LEPR: variants seen among roughly 807,000 people sequenced by gnomAD.
LEPR encodes the protein leptin receptor.
In LEPR, 56 loss-of-function variants were observed where a neutral mutation model predicts 114.7. The observed-to-expected ratio is 0.49, with a 90% CI of 0.39 to 0.61. The LOEUF is 0.61. Among genes scored for constraint, LEPR ranks in the 20% least tolerant of loss-of-function variants. The pLI is 0.00. For synonymous variants in LEPR, 443 were observed against 461.4 expected, an observed-to-expected ratio of 0.96 and a Z score of 0.51; for missense variants, 1,202 against 1,352.9, an observed-to-expected ratio of 0.89 and a Z score of 1.75.
At position 65,618,078 on chromosome 1, in the gene LEPR, A is replaced by C; in HGVS notation, c.2327A>C (p.Asn776Thr). The C allele has an allele frequency of 6.2e-7, 1 of 1,611,894 alleles. No individual in the cohort carries two copies. The highest frequency in any genetic ancestry group is 1.1e-5 in the South Asian group (1 of 90,722). ...KLMYFIIEWK[N>T]LNEDGEIKWL... Reference sequence around the variant, plus strand: ...ATGTATTTTATTATTGAGTGGAAAAATCTTAATGAAGATGGTGAAATAAAA... The same window carrying C: ...ATGTATTTTATTATTGAGTGGAAAACTCTTAATGAAGATGGTGAAATAAAA... The change falls in exon 16 of 20, where the codon AAT becomes ACT. Residue 776 changes from asparagine (N) to threonine (T), a missense_variant. Asn to Thr is a moderately conservative substitution (Grantham distance 65). Coordinates refer to ENST00000349533, the MANE Select transcript of LEPR (RefSeq NM_002303.6).
chr1:65,558,501 G>GTTTTTTTTTTTTTTTTTTTTTTTTT, intron 2 of LEPR, among the ~76,000 whole-genome samples: 1 of 23,160 alleles, frequency 4.3e-5, no homozygotes, highest in Non-Finnish European at 8.2e-5. Flanking sequence ...GTTTCTTAAT[G>GTTTTTTTTTTTTTTTTTTTTTTTTT]TTTTTTTTTT....
At chr1:65,603,005 A>T (rs570640995) in intron 10 of LEPR, among the ~76,000 whole-genome samples, 2 of 152,128 alleles carry the variant, frequency 1.3e-5, no homozygotes, top group African/African-American at 4.8e-5. Context: ...GTTAAGCCCC[A>T]TGCCTTGTTT....
intron 2 of LEPR, among the ~76,000 whole-genome samples, chr1:65,459,674 C>G (rs1452409190): frequency 6.6e-6 from 1 of 152,224 alleles, no homozygotes; most frequent in Non-Finnish European, 1.5e-5. Flanking sequence ...ATTTATAACT[C>G]AAATGTAATA....
At chr1:65,432,262 A>G (rs1646496047) in intron 2 of LEPR, 4 of 1,004,260 alleles carry the variant, frequency 4.0e-6, no homozygotes, top group Non-Finnish European at 4.8e-6. Flanking sequence ...AGAGGCAGAT[A>G]ACGCTGAAGC....
chr1:65,493,310 T>C (rs1264645901), intron 2 of LEPR, among the ~76,000 whole-genome samples: 2 of 152,070 alleles, frequency 1.3e-5, no homozygotes, highest in African/African-American at 4.8e-5. Flanking sequence ...TTGGTTTTCC[T>C]ACTTGTTCTC....
intron 10 of LEPR, among the ~76,000 whole-genome samples, chr1:65,604,388 A>G (rs1192231673): frequency 6.6e-6 from 1 of 152,108 alleles, no homozygotes; most frequent in Non-Finnish European, 1.5e-5. Context: ...TCTGTCGCCC[A>G]GGCTGCAGTG....
intron 3 of LEPR, among the ~76,000 whole-genome samples, chr1:65,569,467 G>A (rs1653998763): frequency 6.6e-6 from 1 of 152,062 alleles, no homozygotes; most frequent in Non-Finnish European, 1.5e-5. Context: ...AGCACTTTGG[G>A]AGACCAAGGT....
chr1:65,541,841 T>C (rs1651211310), intron 2 of LEPR, among the ~76,000 whole-genome samples: 3 of 152,204 alleles, frequency 2.0e-5, no homozygotes, highest in Admixed American at 2.0e-4. Flanking sequence ...TCAGAATTGC[T>C]TTTCTTACTC....
At chr1:65,598,562 T>C (rs1656237638) in intron 7 of LEPR, 98 bp from the exon 8 acceptor site, 1 of 1,536,424 alleles carries the variant, frequency 6.5e-7, no homozygotes, top group Non-Finnish European at 8.9e-7. Context: ...GTGTAAGATA[T>C]TAATTCTTTG....
intron 14 of LEPR, among the ~76,000 whole-genome samples, chr1:65,611,184 C>G (rs1312810974): frequency 1.3e-5 from 2 of 151,922 alleles, no homozygotes; most frequent in African/African-American, 4.8e-5. Context: ...TTTGTTATTG[C>G]TCTCTTTTCT....
At chr1:65,625,968 C>G (rs1658181877) in intron 19 of LEPR, among the ~76,000 whole-genome samples, 1 of 150,224 alleles carries the variant, frequency 6.7e-6, no homozygotes, top group Non-Finnish European at 1.5e-5. Flanking sequence ...TAAAAAGAGG[C>G]TGAAACACTC....
intron 5 of LEPR, among the ~76,000 whole-genome samples, chr1:65,585,976 G>T (rs1020485031): frequency 6.6e-6 from 1 of 151,924 alleles, no homozygotes; most frequent in Admixed American, 6.6e-5. Flanking sequence ...TTAAAGAAAA[G>T]AATCATTTGA....
intron 2 of LEPR, among the ~76,000 whole-genome samples, chr1:65,455,258 C>T (rs553789776): frequency 7.2e-5 from 11 of 152,284 alleles, no homozygotes; most frequent in East Asian, 1.9e-4. Context: ...GTAATTTGAT[C>T]GTCTGAAGCC....
At chr1:65,426,409 C>A (rs1027266256) in intron 2 of LEPR, among the ~76,000 whole-genome samples, 3 of 152,018 alleles carry the variant, frequency 2.0e-5, no homozygotes, top group Admixed American at 2.0e-4. Context: ...ACAATAGAAC[C>A]TGGGAAAATA....
At chr1:65,439,556 C>T (rs1005870422) in intron 2 of LEPR, among the ~76,000 whole-genome samples, 1 of 152,138 alleles carries the variant, frequency 6.6e-6, no homozygotes, top group African/African-American at 2.4e-5. Flanking sequence ...ATGGCTCATG[C>T]CTGTAATCCC....
At chr1:65,532,926 A>G (rs1230101815) in intron 2 of LEPR, among the ~76,000 whole-genome samples, 1 of 152,212 alleles carries the variant, frequency 6.6e-6, no homozygotes, top group African/African-American at 2.4e-5. Context: ...TGTTAGATAC[A>G]TTCACTCAAT....
intron 11 of LEPR, among the ~76,000 whole-genome samples, chr1:65,608,131 G>T (rs11585329): frequency 0.11 from 16,320 of 148,890 alleles, 1,201 homozygotes; most frequent in Non-Finnish European, 0.16. Context: ...TCACACATAT[G>T]GAAATTGATG....
At chr1:65,534,619 G>A (rs971740307) in intron 2 of LEPR, among the ~76,000 whole-genome samples, 13 of 152,168 alleles carry the variant, frequency 8.5e-5, no homozygotes, top group Non-Finnish European at 1.5e-4. Context: ...AGAGCAAGGC[G>A]AAAGAGATTA....
rs981840073 is a variant in LEPR at position 65,521,887 on chromosome 1, G to A, written c.-20-43659G>A. ...GGTTGAGGCGGGCGGATCAATTGACGTCAGGAGTTTGAGACCAGCCTGGTC... is the reference window on the plus strand; with the variant it reads ...GGTTGAGGCGGGCGGATCAATTGACATCAGGAGTTTGAGACCAGCCTGGTC... On this transcript the variant is annotated intron_variant, in intron 2 of 19. Coordinates refer to ENST00000349533, the MANE Select transcript of LEPR (RefSeq NM_002303.6). Among the ~76,000 whole-genome samples the A allele has an allele frequency of 4.6e-5, 7 of 152,100 alleles. No individual in the cohort carries two copies. In the East Asian group the frequency reaches 7.7e-4, roughly 17 times the overall value.
Sources: gnomAD v4.1 joint callset for allele counts (sites outside exome capture counted in the v4.1 genomes callset) on GRCh38, gnomAD v4.1.1 for gene constraint, MANE v1.5 for transcripts, NCBI Gene and HGNC (gene_info 2026-07-23, HGNC 2026-07-21) for gene names.